TRPS1: variants seen among roughly 807,000 people sequenced by gnomAD.
TRPS1 encodes the protein zinc finger transcription factor Trps1.
Under a neutral mutation model 101.2 loss-of-function variants are expected in TRPS1, and 6 were observed. The ratio of observed to expected loss-of-function variants is 0.06; its 90% confidence interval spans 0.03 to 0.12. The LOEUF is 0.12. Among genes scored for constraint, TRPS1 ranks in the 10% least tolerant of loss-of-function variants. The pLI, the probability that TRPS1 is intolerant of heterozygous loss-of-function variation, is 1.00. For missense variants in TRPS1, 1,363 were observed against 1,567.0 expected (o/e 0.87, Z 2.20); for synonymous variants, 578 against 589.8 (o/e 0.98, Z 0.29).
chr8:115,475,573 G>T (rs879399392), intron 5 of TRPS1, among the ~76,000 whole-genome samples: 4 of 151,916 alleles, frequency 2.6e-5, no homozygotes, highest in Admixed American at 6.6e-5. Flanking sequence ...GTTAATCTGA[G>T]ATTCCATTAT....
chr8:115,456,355 T>C (rs1175466297), intron 5 of TRPS1, among the ~76,000 whole-genome samples: 1 of 152,150 alleles, frequency 6.6e-6, no homozygotes, highest in East Asian at 1.9e-4. Flanking sequence ...TTTTAGCCCC[T>C]TTCTTTCTTG....
intron 5 of TRPS1, among the ~76,000 whole-genome samples, chr8:115,499,959 C>CT (rs1554578306): frequency 2.9e-3 from 172 of 60,112 alleles, no homozygotes; most frequent in Non-Finnish European, 5.4e-3. Flanking sequence ...TTCTTTCTTT[C>CT]TTTCTTTTCT....
chr8:115,442,670 T>A (rs1397595289), intron 5 of TRPS1, among the ~76,000 whole-genome samples: 2 of 151,430 alleles, frequency 1.3e-5, no homozygotes, highest in Non-Finnish European at 2.9e-5. Flanking sequence ...ATTTAAAAAT[T>A]GGGTGATTTG....
rs1488302399 is a variant in TRPS1 at position 115,492,492 on chromosome 8, CGTGTTCGTGTGT to C, written c.2701-74052_2701-74041del. ...GTGTGTGTGTGTGTGCGTGCGTGTGCGTGTTCGTGTGTGTGTGTATGGGTTTAATTCAATCGA... is the reference window on the plus strand; with the variant it reads ...GTGTGTGTGTGTGTGCGTGCGTGTGCGTGTGTATGGGTTTAATTCAATCGA... On this transcript the variant is annotated intron_variant, in intron 5 of 6. Transcript: ENST00000395715. Among the ~76,000 whole-genome samples, 1,286 of 147,978 alleles carry C rather than the reference CGTGTTCGTGTGT, an allele frequency of 8.7e-3. 8 individuals carry two copies. The highest frequency in any genetic ancestry group is 0.013 in the Non-Finnish European group (881 of 66,112).
intron 5 of TRPS1, among the ~76,000 whole-genome samples, chr8:115,508,730 A>T (rs1444145919): frequency 6.6e-6 from 1 of 151,976 alleles, no homozygotes; most frequent in Non-Finnish European, 1.5e-5. Flanking sequence ...AGAAGCTAGA[A>T]AACCTTTCTC....
intron 3 of TRPS1, among the ~76,000 whole-genome samples, chr8:115,612,545 C>A (rs1387007782): frequency 1.3e-5 from 2 of 152,164 alleles, no homozygotes; most frequent in Non-Finnish European, 2.9e-5. Context: ...GGGAACTTCA[C>A]TTTTACATAT....
chr8:115,454,762 G>T (rs546668617), intron 5 of TRPS1, among the ~76,000 whole-genome samples: 3 of 152,174 alleles, frequency 2.0e-5, no homozygotes, highest in Non-Finnish European at 4.4e-5. Context: ...AAAAGATCCT[G>T]CTTTCCAAAA....
intron 1 of TRPS1, among the ~76,000 whole-genome samples, chr8:115,662,541 T>C (rs1000208095): frequency 6.6e-6 from 1 of 152,008 alleles, no homozygotes; most frequent in Admixed American, 6.6e-5. Context: ...AAGAGAACAC[T>C]AGCACAAATC....
In TRPS1 at chr8:115,450,128, C is replaced by T. The variant is rs527536118; in HGVS notation, c.2701-31676G>A. Among the ~76,000 whole-genome samples, 9 of 152,200 alleles carry T rather than the reference C, an allele frequency of 5.9e-5. No homozygotes were observed. The South Asian group carries it at 1.5e-3, about 25-fold the overall frequency. ...TGCAGAGCCATGAGGCTGTGTGTAA[C>T]GGAGAATTAGGAGAAGTACTATTCC... On this transcript the variant is annotated intron_variant, in intron 5 of 6. Coordinates refer to ENST00000395715, the MANE Select transcript of TRPS1 (RefSeq NM_014112.5).
intron 5 of TRPS1, among the ~76,000 whole-genome samples, chr8:115,509,982 C>T (rs1296162341): frequency 6.6e-6 from 1 of 152,016 alleles, no homozygotes; most frequent in African/African-American, 2.4e-5. Context: ...AAACATTTTT[C>T]TCATTTGTAA....
At chr8:115,466,092 C>T (rs1048739093) in intron 5 of TRPS1, among the ~76,000 whole-genome samples, 1 of 152,000 alleles carries the variant, frequency 6.6e-6, no homozygotes, top group African/African-American at 2.4e-5. Flanking sequence ...ATTATCGCCT[C>T]AATATTTTAC....
At chr8:115,460,448 T>C (rs187385322) in intron 5 of TRPS1, among the ~76,000 whole-genome samples, 10 of 152,226 alleles carry the variant, frequency 6.6e-5, no homozygotes, top group Admixed American at 4.6e-4. Context: ...TCAGGGTTTT[T>C]TTCCTATATA....
intron 5 of TRPS1, among the ~76,000 whole-genome samples, chr8:115,463,205 T>C (rs1814231610): frequency 6.6e-6 from 1 of 152,208 alleles, no homozygotes; most frequent in South Asian, 2.1e-4. Flanking sequence ...GAATGAATCA[T>C]GAATCACGTC....
chr8:115,601,877 T>C (rs921600647), intron 4 of TRPS1, among the ~76,000 whole-genome samples: 1 of 152,226 alleles, frequency 6.6e-6, no homozygotes, highest in African/African-American at 2.4e-5. Context: ...CCTGCCACTG[T>C]GTTAAATCGT....
rs1452183346 is a variant in TRPS1 at position 115,453,167 on chromosome 8, CCCA to C, written c.2701-34718_2701-34716del. ...TCCAGAGTAGCTGGGATTACAGATG[CCCA>C]CCACCACATCCAGCTACCTTTTGTA... On this transcript the variant is annotated intron_variant, in intron 5 of 6. Transcript: ENST00000395715. 2.0e-5 allele frequency among the ~76,000 whole-genome samples: 3 copies of C among 151,948 alleles called. No individual in the cohort carries two copies. In the East Asian group the frequency reaches 5.8e-4, roughly 29 times the overall value.
At chr8:115,446,024 T>G (rs1420210041) in intron 5 of TRPS1, among the ~76,000 whole-genome samples, 1 of 152,118 alleles carries the variant, frequency 6.6e-6, no homozygotes, top group Non-Finnish European at 1.5e-5. Context: ...CACTGATCAC[T>G]TTTTAAGTCT....
At chr8:115,639,737 G>A (rs761237246) in intron 1 of TRPS1, among the ~76,000 whole-genome samples, 10 of 152,146 alleles carry the variant, frequency 6.6e-5, no homozygotes, top group Non-Finnish European at 1.0e-4. Flanking sequence ...GCTGAGGCAG[G>A]AGGATTGCTT....
chr8:115,498,579 T>TA (rs1815226018), intron 5 of TRPS1, among the ~76,000 whole-genome samples: 1 of 151,582 alleles, frequency 6.6e-6, no homozygotes, highest in Admixed American at 6.6e-5. Flanking sequence ...TGGAAACTAA[T>TA]AAGCCAGAAA....
chr8:115,422,201 T>A (rs1470802083), intron 5 of TRPS1, among the ~76,000 whole-genome samples: 3 of 150,320 alleles, frequency 2.0e-5, no homozygotes, highest in African/African-American at 7.3e-5. Context: ...CTATCGTTAT[T>A]TTTAGAAAAA....
Sources: allele counts gnomAD v4.1 joint callset (sites outside exome capture counted in the v4.1 genomes callset), GRCh38; gene constraint gnomAD v4.1.1; transcripts MANE v1.5; gene names NCBI Gene and HGNC (gene_info 2026-07-23, HGNC 2026-07-21).